Variants in EXOC6B observed in about 807,000 individuals in gnomAD.
The protein encoded by EXOC6B is exocyst complex component 6B, also known as SEC15 homolog B.
In EXOC6B, 54 loss-of-function variants were observed where a neutral mutation model predicts 113.5. The observed-to-expected ratio is 0.48, with a 90% CI of 0.38 to 0.60. The LOEUF (loss-of-function observed/expected upper bound fraction) is 0.60. Ranked by LOEUF, EXOC6B falls within the 20% of genes least tolerant of loss-of-function variation. The pLI is 0.00. For synonymous variants in EXOC6B, 357 were observed against 339.0 expected, an observed-to-expected ratio of 1.05 and a Z score of -0.58; for missense variants, 797 against 977.5, an observed-to-expected ratio of 0.82 and a Z score of 2.46.
intron 6 of EXOC6B, among the ~76,000 whole-genome samples, chr2:72,703,972 C>T (rs1218370569): frequency 5.3e-5 from 8 of 152,028 alleles, no homozygotes; most frequent in Non-Finnish European, 5.9e-5. Context: ...TGAAACCAAG[C>T]GGACCTAATA....
chr2:72,419,348 CAAT>C (rs1328290597), intron 18 of EXOC6B, among the ~76,000 whole-genome samples: 4 of 152,266 alleles, frequency 2.6e-5, no homozygotes, highest in East Asian at 3.9e-4. Flanking sequence ...CTTCTCATTA[CAAT>C]AATAACAGCT....
rs541105469 is a variant in EXOC6B, at chr2:72,200,573, C to T, written c.2197-16386G>A. On this transcript the variant is annotated intron_variant, in intron 20 of 21. Transcript: ENST00000272427. Reference sequence around the variant, plus strand: ...AAATGGGACTGATAAAATGATAGACCGTGAGGAATTGTAGAGAACTGTACT... The same window carrying T: ...AAATGGGACTGATAAAATGATAGACTGTGAGGAATTGTAGAGAACTGTACT... Among the ~76,000 whole-genome samples the T allele has an allele frequency of 3.3e-5, 5 of 152,112 alleles. No individual in the cohort carries two copies. In the East Asian group the frequency reaches 7.8e-4, roughly 24 times the overall value.
At chr2:72,497,300 C>T (rs1007744022) in intron 13 of EXOC6B, among the ~76,000 whole-genome samples, 30 of 152,128 alleles carry the variant, frequency 2.0e-4, no homozygotes, top group African/African-American at 7.2e-4. Context: ...AAATCATGTT[C>T]TATTCTAACT....
At chr2:72,468,177 G>C (rs1698174348) in intron 17 of EXOC6B, among the ~76,000 whole-genome samples, 1 of 151,222 alleles carries the variant, frequency 6.6e-6, no homozygotes, top group African/African-American at 2.4e-5. Flanking sequence ...TTTTACATTT[G>C]TTGCCTGTGC....
At chr2:72,367,692 G>T (rs990189840) in intron 19 of EXOC6B, among the ~76,000 whole-genome samples, 2 of 152,156 alleles carry the variant, frequency 1.3e-5, no homozygotes, top group Non-Finnish European at 2.9e-5. Flanking sequence ...CCATCCCCTG[G>T]CAGTGGTTGA....
intron 1 of EXOC6B, among the ~76,000 whole-genome samples, chr2:72,817,143 G>A (rs997274861): frequency 6.6e-6 from 1 of 152,054 alleles, no homozygotes; most frequent in Non-Finnish European, 1.5e-5. Flanking sequence ...TTTGCTAAAT[G>A]TTAAGCTTTA....
chr2:72,271,068 G>T (rs566970473), intron 20 of EXOC6B, among the ~76,000 whole-genome samples: 32 of 152,276 alleles, frequency 2.1e-4, no homozygotes, highest in Admixed American at 2.0e-3. Flanking sequence ...TCAGTCCAGA[G>T]ACAGTGCCTA....
At chr2:72,384,537 G>T (rs149344057) in intron 18 of EXOC6B, among the ~76,000 whole-genome samples, 3 of 151,964 alleles carry the variant, frequency 2.0e-5, no homozygotes, top group African/African-American at 7.2e-5. Context: ...TCAAGAGAAA[G>T]AAATAAAAAG....
chr2:72,179,939 G>A (rs923088933), intron 21 of EXOC6B, among the ~76,000 whole-genome samples: 18 of 152,226 alleles, frequency 1.2e-4, no homozygotes, highest in African/African-American at 4.3e-4. Context: ...AACAGAACAT[G>A]AATAACTGAA....
At chr2:72,255,456 C>A (rs1009718520) in intron 20 of EXOC6B, among the ~76,000 whole-genome samples, 1 of 152,244 alleles carries the variant, frequency 6.6e-6, no homozygotes, top group Non-Finnish European at 1.5e-5. Context: ...GAAGCCACCA[C>A]AGGCCTGGAA....
chr2:72,781,241 C>T (rs1330328090), intron 1 of EXOC6B, among the ~76,000 whole-genome samples: 1 of 152,154 alleles, frequency 6.6e-6, no homozygotes, highest in Non-Finnish European at 1.5e-5. Flanking sequence ...AGGTTTTCTC[C>T]TCTCTAAGCA....
chr2:72,307,166 T>TG (rs1242020048), intron 20 of EXOC6B, among the ~76,000 whole-genome samples: 29 of 148,498 alleles, frequency 2.0e-4, no homozygotes, highest in Non-Finnish European at 2.5e-4. Flanking sequence ...GTCCAGTTTT[T>TG]TTTTTTTTGA....
chr2:72,715,338 T>C (rs1052108878), intron 6 of EXOC6B, among the ~76,000 whole-genome samples: 4 of 151,436 alleles, frequency 2.6e-5, no homozygotes, highest in Non-Finnish European at 4.4e-5. Context: ...ATTGCAGATA[T>C]AGATATATAG....
At chr2:72,490,744 T>C (rs1273217757) in intron 16 of EXOC6B, among the ~76,000 whole-genome samples, 1 of 152,160 alleles carries the variant, frequency 6.6e-6, no homozygotes, top group African/African-American at 2.4e-5. Flanking sequence ...AACTTCGTAC[T>C]TGTTCTTCCT....
intron 19 of EXOC6B, among the ~76,000 whole-genome samples, chr2:72,357,264 G>T (rs1164303422): frequency 6.6e-6 from 1 of 152,062 alleles, no homozygotes; most frequent in East Asian, 1.9e-4. Flanking sequence ...ATATCTTATT[G>T]TACCTAATTT....
At chr2:72,207,746 A>G (rs975574811) in intron 20 of EXOC6B, among the ~76,000 whole-genome samples, 8 of 152,174 alleles carry the variant, frequency 5.3e-5, no homozygotes, top group Non-Finnish European at 7.4e-5. Flanking sequence ...CACTAGAGGG[A>G]CTATCTCACT....
At chr2:72,816,276 C>CTG (rs75379397) in intron 1 of EXOC6B, among the ~76,000 whole-genome samples, 1 of 152,026 alleles carries the variant, frequency 6.6e-6, no homozygotes, top group Non-Finnish European at 1.5e-5. Flanking sequence ...TATCCAGAAA[C>CTG]AGAACTAGTT....
intron 6 of EXOC6B, among the ~76,000 whole-genome samples, chr2:72,678,804 T>C (rs146301367): frequency 7.1e-4 from 108 of 152,330 alleles, no homozygotes; most frequent in African/African-American, 2.6e-3. Context: ...CATGTATGCA[T>C]GCACACATCA....
At chr2:72,517,919 T>C (rs773239814) in intron 8 of EXOC6B, among the ~76,000 whole-genome samples, 7 of 152,202 alleles carry the variant, frequency 4.6e-5, no homozygotes, top group Non-Finnish European at 1.0e-4. Context: ...CTCAATAGGA[T>C]AAAAACAAAA....
Sources: allele counts gnomAD v4.1 joint callset (sites outside exome capture counted in the v4.1 genomes callset), GRCh38; gene constraint gnomAD v4.1.1; transcripts MANE v1.5; gene names NCBI Gene and HGNC (gene_info 2026-07-23, HGNC 2026-07-21).